The following ZNF217 variants were observed in gnomAD, a reference collection of about 807,000 sequenced individuals.
The protein encoded by ZNF217 is zinc finger protein 217.
Under a neutral mutation model 73.3 loss-of-function variants are expected in ZNF217, and 12 were observed. That is an observed-to-expected ratio of 0.16 (90% CI 0.10 to 0.27). The LOEUF (loss-of-function observed/expected upper bound fraction) is 0.27. ZNF217 is among the 10% of genes least tolerant of loss of function. The pLI is 1.00. For missense variants in ZNF217, 1,195 were observed against 1,327.8 expected (o/e 0.90, Z 1.55); for synonymous variants, 588 against 516.4 (o/e 1.14, Z -1.88).
chr20:53,572,520 G>C (rs1014893069), intron 4 of ZNF217: 1 of 152,072 alleles, frequency 6.6e-6, no homozygotes, highest in Non-Finnish European at 1.5e-5. Context: ...AAGCACCATG[G>C]GGGGGGAAAT....
rs764959666 is a variant in ZNF217 at position 53,582,062 on chromosome 20, T to C, written c.765A>G (p.Gln255=). ...GTSSAQTDSP[Q]GGMPSSREDF... is the part of the protein sequence containing the mutation. ...CCTCCCTCGAGGACGGCATTCCTCC[T>C]TGTGGAGAGTCTGTCTGCGCGCTGC... Residue 255 remains glutamine, a synonymous_variant, in exon 2 of 6, where the codon CAA becomes CAG. Coordinates refer to ENST00000371471, the MANE Select transcript of ZNF217 (RefSeq NM_006526.3). This position sits in a 1 kb window ranked among gnomAD's most constrained non-coding sequence, Gnocchi z 4.8. 2 of 1,614,106 alleles carry C rather than the reference T, an allele frequency of 1.2e-6. No individual in the cohort carries two copies. The highest frequency in any genetic ancestry group is 1.3e-5 in the African/African-American group (1 of 74,950).
chr20:53,592,294 T>A (rs1988901391), intron 1 of ZNF217, among the ~76,000 whole-genome samples: 1 of 151,912 alleles, frequency 6.6e-6, no homozygotes, highest in Non-Finnish European at 1.5e-5. Flanking sequence ...CCCCATAGAC[T>A]GATTCAGGAA....
intron 1 of ZNF217, among the ~76,000 whole-genome samples, chr20:53,590,817 G>C (rs1257244499): frequency 6.6e-6 from 1 of 152,144 alleles, no homozygotes; most frequent in African/African-American, 2.4e-5. Flanking sequence ...TCATTGCCAG[G>C]CCATTATATT....
rs1197185045 is a variant in ZNF217, at chr20:53,569,238, G to A, written c.*50C>T. ...GATGAAGTAAAATTTAATTTCATGG[G>A]GAGTAAGCACTGACATCCACCAAGA... On this transcript the variant is annotated 3_prime_UTR_variant, in exon 6 of 6. Coordinates refer to ENST00000371471, the MANE Select transcript of ZNF217 (RefSeq NM_006526.3). 2 of 1,348,096 alleles carry A rather than the reference G, an allele frequency of 1.5e-6. No individual in the cohort carries two copies. The highest frequency in any genetic ancestry group is 2.4e-5 in the South Asian group (2 of 84,258). 83.5% of individuals were successfully genotyped at this position (1,348,096 alleles called of 1,614,324 possible).
At chr20:53,585,912 A>C (rs1238063035) in intron 1 of ZNF217, among the ~76,000 whole-genome samples, 1 of 152,126 alleles carries the variant, frequency 6.6e-6, no homozygotes. Context: ...TCTCCAGGAA[A>C]GCTTCTGAGA....
Position 53,578,392 on chromosome 20 carries a change from A to G in ZNF217, c.1425T>C (p.Tyr475=). ...KHLTSSRECS[Y]CGKFFRSNYY... is the part of the protein sequence containing the mutation. ...AATTTGAACGGAAAAACTTTCCACAATAACTACACTCTCTTGAAGATGTAA... is the reference window on the plus strand; with the variant it reads ...AATTTGAACGGAAAAACTTTCCACAGTAACTACACTCTCTTGAAGATGTAA... Residue 475 remains tyrosine, a synonymous_variant, in exon 3 of 6, where the codon TAT becomes TAC. Coordinates refer to ENST00000371471, the MANE Select transcript of ZNF217 (RefSeq NM_006526.3). 6.3e-7 allele frequency: 1 copy of G among 1,599,322 alleles called. No individual in the cohort carries two copies. The highest frequency in any genetic ancestry group is 8.5e-7 in the Non-Finnish European group (1 of 1,175,766).
At position 53,569,089 on chromosome 20, in the gene ZNF217, T is replaced by C. The variant is rs1303872398; in HGVS notation, c.*199A>G. 4 of 1,257,426 alleles carry C rather than the reference T, an allele frequency of 3.2e-6. No homozygotes were observed. The highest frequency in any genetic ancestry group is 4.1e-6 in the Non-Finnish European group (4 of 968,202). The allele number at this position is 1,257,426 out of a possible 1,614,324, so 77.9% of individuals were successfully genotyped here. The stretch of plus-strand genomic sequence containing the variant: ...CTGTTCCAACTAGTTTGTATTGCTA[T>C]TTGGTACAAAAGTTAACAGAACAAC... On this transcript the variant is annotated 3_prime_UTR_variant, in exon 6 of 6. Transcript: ENST00000371471.
intron 1 of ZNF217, among the ~76,000 whole-genome samples, chr20:53,587,323 C>CA (rs1988731199): frequency 6.6e-6 from 1 of 152,202 alleles, no homozygotes; most frequent in Non-Finnish European, 1.5e-5. Context: ...TTGAAATCAG[C>CA]AAATAGGACA....
intron 1 of ZNF217, 27 bp from the exon 2 acceptor site, chr20:53,583,195 A>G: frequency 2.4e-6 from 1 of 408,684 alleles, no homozygotes; most frequent in Non-Finnish European, 4.3e-6. Flanking sequence ...AGAAACGGTT[A>G]GCTACACTCA....
chr20:53,571,571 A>C, intron 5 of ZNF217, 150 bp downstream of exon 5: 1 of 1,038,372 alleles, frequency 9.6e-7, no homozygotes, highest in South Asian at 2.0e-5. Context: ...CGCCCAGCTA[A>C]ATTTGTGTAT....
At chr20:53,590,087 T>A (rs1988828899) in intron 1 of ZNF217, among the ~76,000 whole-genome samples, 1 of 152,152 alleles carries the variant, frequency 6.6e-6, no homozygotes, top group African/African-American at 2.4e-5. Flanking sequence ...TTTTTTAACA[T>A]CCCAGTAATC....
In ZNF217 at chr20:53,582,841, C is replaced by T. The variant is rs1285265621; in HGVS notation, c.-15G>A. 34 of 1,574,196 alleles carry T rather than the reference C, an allele frequency of 2.2e-5. No homozygotes were observed. Among genetic ancestry groups the T allele is most frequent in the Non-Finnish European group, 2.8e-5 (33 of 1,157,934 alleles). ...TTCGATTGCATATAATCTCAAAGTT[C>T]CGTTGGGCAATTTCTGGAGTTGGAA... On this transcript the variant is annotated 5_prime_UTR_variant, in exon 2 of 6. Transcript: ENST00000371471. The surrounding 1 kb of genome is among the most constrained non-coding windows in gnomAD (Gnocchi z 4.8).
rs958130242 is a variant in ZNF217 at position 53,577,112 on chromosome 20, C to T, written c.1652G>A (p.Ser551Asn). The T allele has an allele frequency of 6.2e-7, 1 of 1,614,226 alleles. No homozygotes were observed. Among genetic ancestry groups the T allele is most frequent in the Non-Finnish European group, 8.5e-7 (1 of 1,180,046 alleles). Residue 551 changes from serine (S) to asparagine (N), a missense_variant, in exon 4 of 6, where the codon AGT (serine) becomes AAT (asparagine). By Grantham distance (46) the Ser-to-Asn change is conservative. Transcript: ENST00000371471. The part of the protein sequence containing the change: ...DTEDALLTAD[S>N]AQTKNLKRFF... ...TCTTTTCAAATTTTTGGTTTGCGCACTGTCAGCGGTTAATAGTGCATCTTC... is the reference window on the plus strand; with the variant it reads ...TCTTTTCAAATTTTTGGTTTGCGCATTGTCAGCGGTTAATAGTGCATCTTC...
intron 3 of ZNF217, among the ~76,000 whole-genome samples, chr20:53,577,786 G>A (rs138135198): frequency 0.011 from 1,745 of 152,300 alleles, 34 homozygotes; most frequent in African/African-American, 0.039. Context: ...TCAGGACATA[G>A]CAGTCATAAA....
Position 53,583,041 on chromosome 20 carries a change from G to A in ZNF217, c.-215C>T. 1 of 499,424 alleles carries A rather than the reference G, an allele frequency of 2.0e-6. No homozygotes were observed. The highest frequency in any genetic ancestry group is 3.5e-6 in the Non-Finnish European group (1 of 285,210). 30.9% of individuals were successfully genotyped at this position (499,424 alleles called of 1,614,324 possible). ...TTCTTTCCACAAACAAGGCATACAG[G>A]GTTCCCAATGCCTCGATTCAAATAT... On this transcript the variant is annotated 5_prime_UTR_variant, in exon 2 of 6. Coordinates refer to ENST00000371471, the MANE Select transcript of ZNF217 (RefSeq NM_006526.3).
rs1297696569 is a variant in ZNF217 at position 53,593,764 on chromosome 20, C to A, written c.-351G>T. 1.3e-5 allele frequency: 2 copies of A among 150,930 alleles called. No individual in the cohort carries two copies. Among genetic ancestry groups the A allele is most frequent in the Non-Finnish European group, 3.0e-5 (2 of 67,648 alleles). The allele number at this position is 150,930 out of a possible 1,614,324, so 9.3% of individuals were successfully genotyped here. A position where few individuals can be genotyped will look rare whatever the true frequency, so the allele number is the denominator to read the frequency against. ...GGGCGCGCCCCCTTTACCTGCGGCT[C>A]CGGCTCCTCGGCCATTTCCTCGCGC... On this transcript the variant is annotated 5_prime_UTR_variant, in exon 1 of 6. An upstream open reading frame in the 5' UTR gains an earlier in-frame stop. Coordinates refer to ENST00000371471, the MANE Select transcript of ZNF217 (RefSeq NM_006526.3).
chr20:53,578,198 A>G, intron 3 of ZNF217, 136 bp downstream of exon 3: 1 of 554,990 alleles, frequency 1.8e-6, no homozygotes, highest in Non-Finnish European at 3.3e-6. Context: ...AAAAATAACC[A>G]CTGCAATCAA....
chr20:53,592,858 A>G (rs544180290), intron 1 of ZNF217, among the ~76,000 whole-genome samples: 2 of 147,622 alleles, frequency 1.4e-5, no homozygotes, highest in African/African-American at 2.5e-5. Flanking sequence ...AAAAGAAAAG[A>G]AAAAAAAAAG....
chr20:53,577,390 TCTA>T lies in ZNF217; in HGVS notation c.1484-113_1484-111del, dbSNP rs1205242379. 2.1e-5 allele frequency: 20 copies of T among 952,810 alleles called. No individual in the cohort carries two copies. The African/African-American group carries it at 3.2e-4, about 15-fold the overall frequency. The allele number at this position is 952,810 out of a possible 1,614,324, so 59.0% of individuals were successfully genotyped here. A position where few individuals can be genotyped will look rare whatever the true frequency, so the allele number is the denominator to read the frequency against. On this transcript the variant is annotated intron_variant, in intron 3 of 5. Coordinates refer to ENST00000371471, the MANE Select transcript of ZNF217 (RefSeq NM_006526.3). ...TTCTTTCCTCCTTTTGCTTTCTCGA[TCTA>T]CTATCACATAGGATTTCTCATCAGT...
Sources: allele counts gnomAD v4.1 joint callset (sites outside exome capture counted in the v4.1 genomes callset), GRCh38; gene constraint gnomAD v4.1.1; non-coding constraint Gnocchi (gnomAD v3.1); transcripts MANE v1.5; gene names NCBI Gene and HGNC (gene_info 2026-07-23, HGNC 2026-07-21).